Variants in AXDND1 observed in about 807,000 individuals in gnomAD.
AXDND1 encodes the protein axonemal dynein light chain domain containing 1.
A neutral mutation model predicts 137.5 loss-of-function variants in AXDND1; 110 were observed. The ratio of observed to expected loss-of-function variants is 0.80; its 90% CI spans 0.69 to 0.94. The LOEUF (loss-of-function observed/expected upper bound fraction) is 0.94. Ranked by LOEUF, AXDND1 falls within the 40% of genes least tolerant of loss-of-function variation. AXDND1 has a pLI of 0.00. For synonymous variants in AXDND1, 414 were observed against 399.7 expected (o/e 1.04, Z -0.43); for missense variants, 1,191 against 1,169.8 (o/e 1.02, Z -0.26).
At chr1:179,383,328 A>T in intron 7 of AXDND1, 114 bp from the exon 8 acceptor site, 1 of 740,440 alleles carries the variant, frequency 1.4e-6, no homozygotes, top group Non-Finnish European at 2.2e-6. Context: ...TTAAAATGCC[A>T]TTAATATCCC....
chr1:179,435,667 C>T (rs1658042035), intron 15 of AXDND1, among the ~76,000 whole-genome samples: 1 of 152,150 alleles, frequency 6.6e-6, no homozygotes, highest in African/African-American at 2.4e-5. Context: ...TTGACCCCTT[C>T]CTTACATCTT....
At chr1:179,530,125 G>A (rs1267668813) in intron 23 of AXDND1, among the ~76,000 whole-genome samples, 1 of 152,134 alleles carries the variant, frequency 6.6e-6, no homozygotes, top group African/African-American at 2.4e-5. Flanking sequence ...TGCCTCCCAA[G>A]TTCAAGCGAT....
At chr1:179,519,869 G>C (rs1224627328) in intron 21 of AXDND1, among the ~76,000 whole-genome samples, 1 of 152,046 alleles carries the variant, frequency 6.6e-6, no homozygotes, top group Non-Finnish European at 1.5e-5. Flanking sequence ...CACTGTTCAG[G>C]CTTCTTCTTG....
intron 8 of AXDND1, among the ~76,000 whole-genome samples, chr1:179,384,123 A>T (rs537763611): frequency 6.7e-4 from 102 of 152,160 alleles, no homozygotes; most frequent in African/African-American, 2.4e-3. Flanking sequence ...TTTTTGTTTT[A>T]TGTATTTTAT....
rs1452687266 is a variant in AXDND1 at position 179,445,132 on chromosome 1, T to C, written c.1726T>C (p.Tyr576His). ...GGGGGAGATGCCATCAGAGCGACAG[T>C]ACATGGAGGAAATTATCAAAAACAT... ...LEGEMPSERQ[Y>H]MEEIIKNIQK... Residue 576 changes from tyrosine to histidine, a missense_variant, in exon 16 of 26, where the codon TAC becomes CAC. By Grantham distance (83) the Tyr-to-His change is moderately conservative. Transcript: ENST00000367618. 2 of 1,612,906 alleles carry C rather than the reference T, an allele frequency of 1.2e-6. No individual in the cohort carries two copies. Among genetic ancestry groups the C allele is most frequent in the Admixed American group, 3.3e-5 (2 of 59,934 alleles).
At chr1:179,411,707 A>C (rs951771723) in intron 12 of AXDND1, among the ~76,000 whole-genome samples, 4 of 152,060 alleles carry the variant, frequency 2.6e-5, no homozygotes, top group Non-Finnish European at 5.9e-5. Flanking sequence ...TGAAATATGA[A>C]CAAGTGTTCT....
intron 17 of AXDND1, among the ~76,000 whole-genome samples, chr1:179,482,129 T>C (rs1665489777): frequency 7.4e-6 from 1 of 135,562 alleles, no homozygotes; most frequent in Non-Finnish European, 1.6e-5. Flanking sequence ...TTTTTTGCCT[T>C]CTTCTATCTC....
chr1:179,502,050 T>C (rs563045200), intron 20 of AXDND1, among the ~76,000 whole-genome samples: 3 of 152,254 alleles, frequency 2.0e-5, no homozygotes, highest in African/African-American at 4.8e-5. Context: ...GCAACACTTA[T>C]AACTGACAAA....
intron 9 of AXDND1, 98 bp from the exon 10 acceptor site, chr1:179,393,805 T>C: frequency 9.8e-7 from 1 of 1,015,992 alleles, no homozygotes; most frequent in Non-Finnish European, 1.4e-6. Flanking sequence ...TCTTGGTGTA[T>C]AGCAGTGCTA....
chr1:179,459,698 T>TC (rs762823286), intron 16 of AXDND1, among the ~76,000 whole-genome samples: 24,395 of 146,272 alleles, frequency 0.17, 2,321 homozygotes, highest in East Asian at 0.34. Flanking sequence ...TTTCTTTCTT[T>TC]CTTTCCTTTC....
chr1:179,535,213 A>G (rs191642833), intron 25 of AXDND1, among the ~76,000 whole-genome samples: 4 of 152,150 alleles, frequency 2.6e-5, no homozygotes, highest in Admixed American at 2.0e-4. Context: ...CAAAACTGGC[A>G]AAGGTTTTTT....
intron 25 of AXDND1, among the ~76,000 whole-genome samples, chr1:179,539,377 C>A (rs1270000357): frequency 6.6e-6 from 1 of 152,192 alleles, no homozygotes; most frequent in East Asian, 1.9e-4. Context: ...TCTTGTAAGG[C>A]AGACCTGGTG....
intron 25 of AXDND1, among the ~76,000 whole-genome samples, chr1:179,540,793 C>G (rs570251811): frequency 6.6e-6 from 1 of 152,330 alleles, no homozygotes; most frequent in East Asian, 1.9e-4. Context: ...CCACCACTGC[C>G]CTTCCCTCAG....
At chr1:179,464,522 A>G (rs957343619) in intron 16 of AXDND1, among the ~76,000 whole-genome samples, 4 of 150,108 alleles carry the variant, frequency 2.7e-5, no homozygotes, top group Admixed American at 6.6e-5. Flanking sequence ...GAGTAACCCG[A>G]CTTTTCTCTG....
intron 25 of AXDND1, among the ~76,000 whole-genome samples, chr1:179,554,117 T>C (rs1281653955): frequency 6.6e-6 from 1 of 152,174 alleles, no homozygotes; most frequent in Non-Finnish European, 1.5e-5. Flanking sequence ...TTACACCATG[T>C]TGGCCAGGCT....
chr1:179,525,419 A>G lies in AXDND1; in HGVS notation c.2582A>G (p.Gln861Arg), dbSNP rs750975614. ...EEESKEDRKL[Q>R]EENKERAEEQ... is the part of the protein sequence containing the mutation. The stretch of plus-strand genomic sequence containing the variant: ...GAAAGTAAGGAGGATAGGAAACTTC[A>G]GGAGGAAAATAAAGAGAGAGCAGAA... Residue 861 changes from glutamine to arginine, a missense_variant, in exon 22 of 26, where the codon CAG becomes CGG. By Grantham distance (43) the Gln-to-Arg change is conservative. Coordinates refer to ENST00000367618, the MANE Select transcript of AXDND1 (RefSeq NM_144696.6). The G allele has an allele frequency of 1.9e-6, 3 of 1,611,318 alleles. No individual in the cohort carries two copies. In the East Asian group the frequency reaches 6.7e-5, roughly 36 times the overall value.
intron 17 of AXDND1, among the ~76,000 whole-genome samples, chr1:179,482,901 C>T (rs1665594445): frequency 6.6e-6 from 1 of 150,818 alleles, no homozygotes; most frequent in Non-Finnish European, 1.5e-5. Context: ...TCTGCTTTGT[C>T]CAAAGTGCAT....
chr1:179,477,723 A>G (rs539686587), intron 17 of AXDND1, among the ~76,000 whole-genome samples: 1 of 152,278 alleles, frequency 6.6e-6, no homozygotes, highest in East Asian at 1.9e-4. Context: ...TTTCAAAACC[A>G]ATCATGCCTT....
At position 179,415,786 on chromosome 1, in the gene AXDND1, C is replaced by T. The variant is rs960319377; in HGVS notation, c.1230+4520C>T. On this transcript the variant is annotated intron_variant, in intron 12 of 25. Transcript: ENST00000367618. ...GTGGCGCGATCTCTGCTCGCTGCAA[C>T]CTCCACCTCCCGGGTTCGTGCCATT... Among the ~76,000 whole-genome samples, 48 of 152,016 alleles carry T rather than the reference C, an allele frequency of 3.2e-4. 1 individual carries two copies. Among genetic ancestry groups the T allele is most frequent in the Admixed American group, 3.1e-3 (48 of 15,274 alleles).
Sources: allele counts gnomAD v4.1 joint callset (sites outside exome capture counted in the v4.1 genomes callset), GRCh38; gene constraint gnomAD v4.1.1; transcripts MANE v1.5; gene names NCBI Gene and HGNC (gene_info 2026-07-23, HGNC 2026-07-21).